Variants in IPPK observed in about 807,000 individuals in gnomAD.
IPPK encodes the protein inositol-pentakisphosphate 2-kinase, also known as IPK1 homolog.
Under a neutral mutation model 64.6 loss-of-function variants are expected in IPPK, and 22 were observed. That is an observed-to-expected ratio of 0.34 (90% CI 0.24 to 0.49). The LOEUF (loss-of-function observed/expected upper bound fraction) is 0.49. Ranked by LOEUF, IPPK falls within the 20% of genes least tolerant of loss-of-function variation. The pLI is 0.99. For synonymous variants in IPPK, 262 were observed against 247.2 expected, an observed-to-expected ratio of 1.06 and a Z score of -0.56; for missense variants, 532 against 630.7, an observed-to-expected ratio of 0.84 and a Z score of 1.68.
At chr9:92,648,985 A>G (rs1376997204) in intron 5 of IPPK, among the ~76,000 whole-genome samples, 1 of 152,230 alleles carries the variant, frequency 6.6e-6, no homozygotes, top group African/African-American at 2.4e-5. Context: ...GAGCAGGACA[A>G]AGAGAGCTCC....
chr9:92,655,949 T>C (rs777643256), intron 3 of IPPK, among the ~76,000 whole-genome samples: 1 of 152,072 alleles, frequency 6.6e-6, no homozygotes, highest in Non-Finnish European at 1.5e-5. Flanking sequence ...CTGGCAATCT[T>C]AGTCCCATTC....
At position 92,614,414 on chromosome 9, in the gene IPPK, C is replaced by A. The variant is rs1851367276; in HGVS notation, c.*1418G>T. ...TCACCAAAGCCCCCATCCCAGCACACAGGACCCGTGTGTATGAGACGGTGT... is the reference window on the plus strand; with the variant it reads ...TCACCAAAGCCCCCATCCCAGCACAAAGGACCCGTGTGTATGAGACGGTGT... On this transcript the variant is annotated 3_prime_UTR_variant, in exon 13 of 13. Coordinates refer to ENST00000287996, the MANE Select transcript of IPPK (RefSeq NM_022755.6). 1 of 152,296 alleles carries A rather than the reference C, an allele frequency of 6.6e-6. No homozygotes were observed. The highest frequency in any genetic ancestry group is 2.4e-5 in the African/African-American group (1 of 41,450). The allele number at this position is 152,296 out of a possible 1,614,324, so 9.4% of individuals were successfully genotyped here. A position where few individuals can be genotyped will look rare whatever the true frequency, so the allele number is the denominator to read the frequency against.
chr9:92,625,017 C>T (rs545646922), intron 11 of IPPK, among the ~76,000 whole-genome samples: 1 of 152,020 alleles, frequency 6.6e-6, no homozygotes, highest in Admixed American at 6.5e-5. Context: ...AACAGTTAAC[C>T]CTGGGAGGAA....
At position 92,615,716 on chromosome 9, in the gene IPPK, A is replaced by G. The variant is rs902375108; in HGVS notation, c.*116T>C. ...GTCTCCAAGAGGCAATCCCACCTCA[A>G]AAGGGGTTAAAAGCAAAAACATTCA... is the stretch of plus-strand genomic sequence containing the variant. On this transcript the variant is annotated 3_prime_UTR_variant, in exon 13 of 13. Transcript: ENST00000287996. 1.0e-5 allele frequency: 8 copies of G among 772,188 alleles called. No individual in the cohort carries two copies. In the Admixed American group the frequency reaches 1.6e-4, roughly 16 times the overall value. 47.8% of individuals were successfully genotyped at this position (772,188 alleles called of 1,614,324 possible).
In IPPK at chr9:92,615,315, G is replaced by A. The variant is rs1366820068; in HGVS notation, c.*517C>T. 6.0e-6 allele frequency: 1 copy of A among 167,654 alleles called. No homozygotes were observed. Among genetic ancestry groups the A allele is most frequent in the Non-Finnish European group, 1.3e-5 (1 of 77,850 alleles). The allele number at this position is 167,654 out of a possible 1,614,324, so 10.4% of individuals were successfully genotyped here. ...CTGCGCGACCACGAGGTCACGCTGTGCAGCAGGGAACCACCTAAAAACCTG... is the reference window on the plus strand; with the variant it reads ...CTGCGCGACCACGAGGTCACGCTGTACAGCAGGGAACCACCTAAAAACCTG... On this transcript the variant is annotated 3_prime_UTR_variant, in exon 13 of 13. Transcript: ENST00000287996.
chr9:92,637,027 T>G (rs1204735841), intron 9 of IPPK, among the ~76,000 whole-genome samples: 7 of 151,568 alleles, frequency 4.6e-5, no homozygotes, highest in Admixed American at 2.0e-4. Context: ...CCCCACAAAG[T>G]TCATTTGTAG....
intron 4 of IPPK, among the ~76,000 whole-genome samples, chr9:92,651,674 A>T (rs1290816155): frequency 2.0e-5 from 3 of 152,066 alleles, no homozygotes; most frequent in Non-Finnish European, 4.4e-5. Context: ...CTCCACCTCC[A>T]GCTCCTCCCT....
intron 11 of IPPK, among the ~76,000 whole-genome samples, chr9:92,632,213 TC>T (rs77934221): frequency 0.011 from 1,714 of 152,326 alleles, 25 homozygotes; most frequent in African/African-American, 0.038. Flanking sequence ...TGAGTGTCAG[TC>T]TTCATTTCTC....
At chr9:92,667,276 G>A (rs1564045284) in intron 1 of IPPK, among the ~76,000 whole-genome samples, 1 of 152,200 alleles carries the variant, frequency 6.6e-6, no homozygotes, top group African/African-American at 2.4e-5. Context: ...GAGGCTGGGC[G>A]CATGCTCAGC....
chr9:92,651,005 T>C (rs1852256620), intron 4 of IPPK, among the ~76,000 whole-genome samples: 1 of 152,114 alleles, frequency 6.6e-6, no homozygotes, highest in Admixed American at 6.5e-5. Flanking sequence ...ACGGTTGTTA[T>C]GAAATGGCAG....
intron 12 of IPPK, 31 bp downstream of exon 12, chr9:92,619,455 C>G: frequency 6.5e-7 from 1 of 1,542,510 alleles, no homozygotes; most frequent in Non-Finnish European, 8.8e-7. Context: ...CCGTTAGACC[C>G]AGGCTGCATG....
chr9:92,658,749 T>TG, intron 1 of IPPK, 68 bp from the exon 2 acceptor site: 1 of 1,416,054 alleles, frequency 7.1e-7, no homozygotes, highest in Non-Finnish European at 1.0e-6. Context: ...TCAGTCAGTT[T>TG]GGGGGTCCCA....
intron 11 of IPPK, among the ~76,000 whole-genome samples, chr9:92,623,855 G>C (rs1048510982): frequency 5.9e-5 from 9 of 152,138 alleles, no homozygotes; most frequent in Admixed American, 2.6e-4. Context: ...CCCACTCCTA[G>C]GGATATATCC....
chr9:92,666,225 G>C (rs1012622971), intron 1 of IPPK, among the ~76,000 whole-genome samples: 1 of 152,078 alleles, frequency 6.6e-6, no homozygotes, highest in Non-Finnish European at 1.5e-5. Flanking sequence ...GAGGTGGTCC[G>C]GAAGGGGCTC....
At chr9:92,652,279 C>T (rs1393579090) in intron 4 of IPPK, among the ~76,000 whole-genome samples, 1 of 151,866 alleles carries the variant, frequency 6.6e-6, no homozygotes, top group Admixed American at 6.6e-5. Flanking sequence ...GAAACCCCAT[C>T]TCTATTAAAA....
chr9:92,637,596 G>C (rs7875050), intron 9 of IPPK, among the ~76,000 whole-genome samples: 30,488 of 152,202 alleles, frequency 0.2, 4,078 homozygotes, highest in East Asian at 0.73. Flanking sequence ...CATTGTGGTA[G>C]GACCCAGCCC....
chr9:92,646,790 T>C (rs1158550238), intron 6 of IPPK, among the ~76,000 whole-genome samples: 1 of 152,108 alleles, frequency 6.6e-6, no homozygotes, highest in African/African-American at 2.4e-5. Flanking sequence ...ACCCCGTCTC[T>C]ACTAAAAATA....
chr9:92,651,893 T>C (rs1288271090), intron 4 of IPPK, among the ~76,000 whole-genome samples: 1 of 152,004 alleles, frequency 6.6e-6, no homozygotes, highest in African/African-American at 2.4e-5. Flanking sequence ...TTTTTGTACA[T>C]ATATATATTT....
At chr9:92,640,652 C>T (rs1852029081) in intron 8 of IPPK, 58 bp downstream of exon 8, 2 of 1,133,902 alleles carry the variant, frequency 1.8e-6, no homozygotes, top group Admixed American at 3.4e-5. Context: ...TCTGTGAGGT[C>T]ACTTGAACCT....
Sources: gnomAD v4.1 joint callset for allele counts (sites outside exome capture counted in the v4.1 genomes callset) on GRCh38, gnomAD v4.1.1 for gene constraint, MANE v1.5 for transcripts, NCBI Gene and HGNC (gene_info 2026-07-23, HGNC 2026-07-21) for gene names.